Variants in SGO2 observed in about 807,000 individuals in gnomAD.
SGO2 encodes the protein shugoshin 2.
A neutral mutation model predicts 99.5 loss-of-function variants in SGO2; 68 were observed. That is an observed-to-expected ratio of 0.68 (90% CI 0.56 to 0.84). SGO2 has a LOEUF of 0.84. Ranked by LOEUF, SGO2 falls within the 40% of genes least tolerant of loss-of-function variation. The pLI, the probability that SGO2 is intolerant of heterozygous loss-of-function variation, is 0.00. For missense variants in SGO2, 1,350 were observed against 1,436.7 expected (o/e 0.94, Z 0.97); for synonymous variants, 457 against 487.1 (o/e 0.94, Z 0.81).
intron 8 of SGO2, chr2:200,576,171 G>C: frequency 3.4e-6 from 1 of 290,534 alleles, no homozygotes; most frequent in Non-Finnish European, 6.8e-6. Flanking sequence ...AGTAATATAA[G>C]GCAGGGTAAA....
At chr2:200,530,617 C>T (rs768744187) in intron 1 of SGO2, among the ~76,000 whole-genome samples, 5 of 151,980 alleles carry the variant, frequency 3.3e-5, no homozygotes, top group East Asian at 1.9e-4. Context: ...GGAAAGACCC[C>T]GTTAGAGGTT....
At chr2:200,557,552 TC>T (rs1354224082) in intron 5 of SGO2, among the ~76,000 whole-genome samples, 7 of 152,058 alleles carry the variant, frequency 4.6e-5, no homozygotes, top group South Asian at 2.1e-4. Flanking sequence ...TCAAGGCAAA[TC>T]CTTAAAGTAA....
rs1415558647 is a variant in SGO2 at position 200,526,417 on chromosome 2, G to C, written c.-3+165G>C. ...GGCGGCCCCTCTCCGGCTACGAGGG[G>C]TTCGTTGACGGAGTCCTGTTTTGGC... On this transcript the variant is annotated intron_variant, in intron 1 of 8. Transcript: ENST00000357799. The surrounding 1 kb of genome is among the most constrained non-coding windows in gnomAD (Gnocchi z 4.8). Among the ~76,000 whole-genome samples, 1 of 152,258 alleles carries C rather than the reference G, an allele frequency of 6.6e-6. No homozygotes were observed. Among genetic ancestry groups the C allele is most frequent in the Non-Finnish European group, 1.5e-5 (1 of 68,046 alleles).
In SGO2 at chr2:200,526,905, C is replaced by G. The variant is rs2031124348; in HGVS notation, c.-3+653C>G. ...TGAGTGCTGATAGTTTACCAGGTCC[C>G]GTACTAGACACTGTACATACATTGG... is the stretch of plus-strand genomic sequence containing the variant. On this transcript the variant is annotated intron_variant, in intron 1 of 8. Transcript: ENST00000357799. The surrounding 1 kb of genome is among the most constrained non-coding windows in gnomAD (Gnocchi z 4.8). Among the ~76,000 whole-genome samples the G allele has an allele frequency of 6.6e-6, 1 of 152,126 alleles. No individual in the cohort carries two copies. Among genetic ancestry groups the G allele is most frequent in the South Asian group, 2.1e-4 (1 of 4,826 alleles).
intron 5 of SGO2, 72 bp downstream of exon 5, chr2:200,542,736 A>C: frequency 7.6e-7 from 1 of 1,323,306 alleles, no homozygotes; most frequent in South Asian, 1.2e-5. Context: ...GTTTGTGTGT[A>C]TTGTACAGTG....
In SGO2 at chr2:200,572,198, C is replaced by T. The variant is rs773911976; in HGVS notation, c.1852C>T (p.Arg618Trp). ...TAATAAGCTTAGAAAGAAAGTAAAC[C>T]GGAAGACAGAAATAATTTCTGGAAT... is the stretch of plus-strand genomic sequence containing the variant. ...NINKLRKKVN[R>W]KTEIISGMNH... is the part of the protein sequence containing the mutation. The change falls in exon 7 of 9, where the codon CGG becomes TGG. Residue 618 changes from arginine to tryptophan, a missense_variant. Transcript: ENST00000357799. 20 of 1,612,290 alleles carry T rather than the reference C, an allele frequency of 1.2e-5. No individual in the cohort carries two copies. Among genetic ancestry groups the T allele is most frequent in the Admixed American group, 3.3e-5 (2 of 59,886 alleles).
chr2:200,533,881 G>C (rs2031558095), intron 2 of SGO2, among the ~76,000 whole-genome samples: 1 of 152,066 alleles, frequency 6.6e-6, no homozygotes, highest in Non-Finnish European at 1.5e-5. Flanking sequence ...CCTTACACTG[G>C]CTCTTGCTTA....
intron 5 of SGO2, among the ~76,000 whole-genome samples, chr2:200,549,387 T>A (rs2032368815): frequency 6.6e-6 from 1 of 152,152 alleles, no homozygotes; most frequent in African/African-American, 2.4e-5. Flanking sequence ...GAGGGAATAC[T>A]TCCAAACTCA....
intron 5 of SGO2, among the ~76,000 whole-genome samples, chr2:200,566,655 C>T (rs890120285): frequency 6.6e-6 from 1 of 152,190 alleles, no homozygotes; most frequent in Admixed American, 6.5e-5. Context: ...TTCAGCTATG[C>T]CCTCCGCCAG....
At chr2:200,548,389 G>A (rs1458726565) in intron 5 of SGO2, among the ~76,000 whole-genome samples, 6 of 152,072 alleles carry the variant, frequency 3.9e-5, no homozygotes, top group Non-Finnish European at 8.8e-5. Flanking sequence ...AAAGAAGCAA[G>A]TAAGAAGGAA....
rs540007407 is a variant in SGO2, at chr2:200,562,489, G to A, written c.474-7174G>A. Among the ~76,000 whole-genome samples, 16 of 152,266 alleles carry A rather than the reference G, an allele frequency of 1.1e-4. No individual in the cohort carries two copies. The East Asian group carries it at 1.4e-3, about 13-fold the overall frequency. On this transcript the variant is annotated intron_variant, in intron 5 of 8. Transcript: ENST00000357799. ...GTAGTATTGTTTGAAGTCAGGTAGCGTGATGCCTCCAGCTTTGTTCTTTTG... is the reference window on the plus strand; with the variant it reads ...GTAGTATTGTTTGAAGTCAGGTAGCATGATGCCTCCAGCTTTGTTCTTTTG...
chr2:200,560,821 A>G (rs1194944721), intron 5 of SGO2, among the ~76,000 whole-genome samples: 1 of 152,192 alleles, frequency 6.6e-6, no homozygotes, highest in Admixed American at 6.5e-5. Context: ...AGTTTGTACA[A>G]TTGGTAGTTT....
intron 5 of SGO2, among the ~76,000 whole-genome samples, chr2:200,548,608 G>T (rs1319506493): frequency 6.6e-6 from 1 of 152,022 alleles, no homozygotes; most frequent in Non-Finnish European, 1.5e-5. Flanking sequence ...AAATAATAAC[G>T]ATCAGAGCAG....
In SGO2 at chr2:200,573,427, T is replaced by C; in HGVS notation, c.3081T>C (p.Thr1027=). 1.2e-6 allele frequency: 2 copies of C among 1,608,564 alleles called. No individual in the cohort carries two copies. Among genetic ancestry groups the C allele is most frequent in the Non-Finnish European group, 1.7e-6 (2 of 1,178,342 alleles). The change falls in exon 7 of 9, where the codon ACT becomes ACC. Residue 1027 remains threonine, a synonymous_variant. Coordinates refer to ENST00000357799, the MANE Select transcript of SGO2 (RefSeq NM_152524.6). ...ISLESDLKHI[T]SEADSDPGNP... is the part of the protein sequence containing the mutation. ...TAGAATCTGATTTAAAACATATTAC[T>C]AGTGAAGCAGATTCTGATCCAGGAA...
At chr2:200,536,926 G>A (rs746411577) in intron 4 of SGO2, among the ~76,000 whole-genome samples, 1 of 151,986 alleles carries the variant, frequency 6.6e-6, no homozygotes, top group Non-Finnish European at 1.5e-5. Context: ...TGTACCTCAT[G>A]CAGGTGATTG....
At position 200,526,477 on chromosome 2, in the gene SGO2, C is replaced by G. The variant is rs2031094144; in HGVS notation, c.-3+225C>G. Among the ~76,000 whole-genome samples, 1 of 152,168 alleles carries G rather than the reference C, an allele frequency of 6.6e-6. No homozygotes were observed. Among genetic ancestry groups the G allele is most frequent in the Non-Finnish European group, 1.5e-5 (1 of 68,040 alleles). Reference sequence around the variant, plus strand: ...CTGCCTCTTGTTTCTGAGATTTGAGCGTCCGGCAGGGCGAGCGGGGAGAGC... The same window carrying G: ...CTGCCTCTTGTTTCTGAGATTTGAGGGTCCGGCAGGGCGAGCGGGGAGAGC... On this transcript the variant is annotated intron_variant, in intron 1 of 8. Transcript: ENST00000357799. The surrounding 1 kb of genome is among the most constrained non-coding windows in gnomAD (Gnocchi z 4.8).
intron 5 of SGO2, among the ~76,000 whole-genome samples, chr2:200,547,810 A>G (rs1196946322): frequency 6.6e-6 from 1 of 152,148 alleles, no homozygotes; most frequent in Non-Finnish European, 1.5e-5. Context: ...AGGGCTGGAA[A>G]AAGATATTCC....
At chr2:200,583,067 A>G (rs1227799371) in intron 8 of SGO2, among the ~76,000 whole-genome samples, 1 of 152,134 alleles carries the variant, frequency 6.6e-6, no homozygotes, top group East Asian at 1.9e-4. Flanking sequence ...AAAGGGGCAT[A>G]TTGGAGGTGT....
intron 5 of SGO2, among the ~76,000 whole-genome samples, chr2:200,549,044 G>T (rs1466707712): frequency 6.6e-6 from 1 of 152,040 alleles, no homozygotes. Context: ...ATTGCTTGAG[G>T]CCAGGAGTTT....
Sources: allele counts gnomAD v4.1 joint callset (sites outside exome capture counted in the v4.1 genomes callset), GRCh38; gene constraint gnomAD v4.1.1; non-coding constraint Gnocchi (gnomAD v3.1); transcripts MANE v1.5; gene names NCBI Gene and HGNC (gene_info 2026-07-23, HGNC 2026-07-21).